The following ASZ1 variants were observed in gnomAD, a reference collection of about 807,000 sequenced individuals.
ASZ1 encodes the protein ankyrin repeat, SAM and basic leucine zipper domain containing 1, also known as ankyrin repeat, SAM and basic leucine zipper domain-containing protein 1.
ASZ1 carries 67 observed loss-of-function variants against 61.8 expected under a neutral mutation model. That is an observed-to-expected ratio of 1.08 (90% CI 0.89 to 1.33). ASZ1 has a LOEUF of 1.33. ASZ1 is among the 40% of genes most tolerant of loss of function. The pLI, the probability that ASZ1 is intolerant of heterozygous loss-of-function variation, is 0.00. For missense variants in ASZ1, 577 were observed against 554.5 expected (o/e 1.04, Z -0.41); for synonymous variants, 193 against 192.7 (o/e 1.00, Z -0.01).
intron 8 of ASZ1, 149 bp downstream of exon 8, chr7:117,381,920 C>G (rs1274511611): frequency 1.7e-6 from 1 of 588,932 alleles, no homozygotes; most frequent in East Asian, 3.0e-5. Context: ...ATGTTTTTCA[C>G]AAATTTAAAA....
chr7:117,385,544 A>G (rs1334101376), intron 5 of ASZ1, among the ~76,000 whole-genome samples, 154 bp downstream of exon 5: 1 of 152,178 alleles, frequency 6.6e-6, no homozygotes, highest in African/African-American at 2.4e-5. Flanking sequence ...TACAGGTGTG[A>G]GTCACCATAC....
At chr7:117,398,322 C>T (rs760882850) in intron 4 of ASZ1, among the ~76,000 whole-genome samples, 6 of 152,160 alleles carry the variant, frequency 3.9e-5, no homozygotes, top group Non-Finnish European at 7.3e-5. Context: ...ACACATCTAC[C>T]TTTGTCTCAG....
chr7:117,422,369 T>C lies in ASZ1; in HGVS notation c.206-10A>G. On this transcript the variant is annotated splice_polypyrimidine_tract_variant and intron_variant, in intron 2 of 12. Coordinates refer to ENST00000284629, the MANE Select transcript of ASZ1 (RefSeq NM_130768.3). Reference sequence around the variant, plus strand: ...GAATCTACACTAATGCCTGTCAATATAAAAACAAGCTTTTAAAAGCACACT... The same window carrying C: ...GAATCTACACTAATGCCTGTCAATACAAAAACAAGCTTTTAAAAGCACACT... The C allele has an allele frequency of 6.2e-7, 1 of 1,607,650 alleles. No individual in the cohort carries two copies.
intron 4 of ASZ1, among the ~76,000 whole-genome samples, chr7:117,398,462 A>G (rs1247628296): frequency 1.3e-5 from 2 of 152,218 alleles, no homozygotes; most frequent in African/African-American, 4.8e-5. Context: ...ATACTGGATT[A>G]AGATATCACA....
intron 10 of ASZ1, among the ~76,000 whole-genome samples, chr7:117,377,973 T>A (rs1796167752): frequency 6.6e-6 from 1 of 152,042 alleles, no homozygotes; most frequent in African/African-American, 2.4e-5. Context: ...CTGGGGCAAT[T>A]ATCTATCCCC....
rs2116470718 is a variant in ASZ1, at chr7:117,383,128, C to T, written c.688-18G>A. 6.6e-7 allele frequency: 1 copy of T among 1,523,932 alleles called. No homozygotes were observed. The highest frequency in any genetic ancestry group is 8.8e-7 in the Non-Finnish European group (1 of 1,138,248). 94.4% of individuals were successfully genotyped at this position (1,523,932 alleles called of 1,614,324 possible). A position where few individuals can be genotyped will look rare whatever the true frequency, so the allele number is the denominator to read the frequency against. ...TTGAAGATCTGAAAAAAGTTAACAT[C>T]ATTCAAATATAATTAACATTGCATA... is the stretch of plus-strand genomic sequence containing the variant. On this transcript the variant is annotated intron_variant, in intron 6 of 12. Transcript: ENST00000284629.
chr7:117,384,957 G>C, intron 5 of ASZ1, 97 bp from the exon 6 acceptor site: 3 of 1,103,078 alleles, frequency 2.7e-6, no homozygotes, highest in African/African-American at 3.3e-5. Context: ...CAATAAAAAA[G>C]AGAACATAGT....
chr7:117,366,169 CAGG>C (rs1464707846), intron 12 of ASZ1, among the ~76,000 whole-genome samples: 1 of 152,012 alleles, frequency 6.6e-6, no homozygotes, highest in Non-Finnish European at 1.5e-5. Flanking sequence ...GAGGCTGAGG[CAGG>C]AGAATTGCTT....
intron 4 of ASZ1, among the ~76,000 whole-genome samples, chr7:117,389,458 C>T (rs1796420694): frequency 6.6e-6 from 1 of 152,106 alleles, no homozygotes; most frequent in South Asian, 2.1e-4. Context: ...TTTGTTTCTA[C>T]TTTTCCCACC....
intron 4 of ASZ1, among the ~76,000 whole-genome samples, chr7:117,410,288 A>C (rs1447534811): frequency 6.6e-6 from 1 of 151,762 alleles, no homozygotes; most frequent in Non-Finnish European, 1.5e-5. Flanking sequence ...TTATACCATA[A>C]ATGAAAAATA....
At chr7:117,365,820 A>G (rs1042045687) in intron 12 of ASZ1, among the ~76,000 whole-genome samples, 2 of 152,262 alleles carry the variant, frequency 1.3e-5, no homozygotes, top group African/African-American at 4.8e-5. Flanking sequence ...CAGAGACAAT[A>G]CAATTTCTAA....
rs138078707 is a variant in ASZ1 at position 117,422,653 on chromosome 7, T to C, written c.206-294A>G. Among the ~76,000 whole-genome samples, 820 of 152,320 alleles carry C rather than the reference T, an allele frequency of 5.4e-3. 10 individuals are homozygous for C. Among genetic ancestry groups the C allele is most frequent in the African/African-American group, 0.019 (784 of 41,574 alleles). On this transcript the variant is annotated intron_variant, in intron 2 of 12. Coordinates refer to ENST00000284629, the MANE Select transcript of ASZ1 (RefSeq NM_130768.3). ...CAGGTTTTTACATGCTACCTTTTTT[T>C]TCTCTAGGGGAGCTGGAAAGGTTTC...
intron 4 of ASZ1, among the ~76,000 whole-genome samples, chr7:117,417,922 T>C (rs1023745590): frequency 2.0e-5 from 3 of 152,238 alleles, no homozygotes; most frequent in Non-Finnish European, 2.9e-5. Flanking sequence ...TGAAACTGCC[T>C]TATAGTGTCA....
intron 4 of ASZ1, among the ~76,000 whole-genome samples, chr7:117,410,528 GA>G (rs1796869832): frequency 6.6e-6 from 1 of 151,544 alleles, no homozygotes; most frequent in Non-Finnish European, 1.5e-5. Flanking sequence ...AAATTACAAA[GA>G]AAGTATAGCA....
intron 4 of ASZ1, among the ~76,000 whole-genome samples, chr7:117,404,769 G>A (rs1039375386): frequency 6.6e-6 from 1 of 152,094 alleles, no homozygotes; most frequent in South Asian, 2.1e-4. Flanking sequence ...AGGCCCCCTT[G>A]AAGCCCACAA....
Position 117,385,678 on chromosome 7 carries a change from A to G in ASZ1, c.552+20T>C, listed in dbSNP as rs374686580. 2.1e-5 allele frequency: 33 copies of G among 1,539,376 alleles called. No individual in the cohort carries two copies. In the African/African-American group the frequency reaches 3.8e-4, roughly 18 times the overall value. On this transcript the variant is annotated intron_variant, in intron 5 of 12. Coordinates refer to ENST00000284629, the MANE Select transcript of ASZ1 (RefSeq NM_130768.3). ...GATAATAACAGAAACAAAAAGAAAC[A>G]TTGTAAAAATGTTTCTCACAGTGTA...
intron 4 of ASZ1, among the ~76,000 whole-genome samples, chr7:117,414,156 T>C (rs1274382175): frequency 6.6e-6 from 1 of 152,136 alleles, no homozygotes; most frequent in East Asian, 1.9e-4. Flanking sequence ...AAACGATAGA[T>C]GAGAGATTTT....
intron 4 of ASZ1, among the ~76,000 whole-genome samples, chr7:117,406,484 A>T (rs1796784241): frequency 2.0e-5 from 3 of 152,172 alleles, no homozygotes; most frequent in Admixed American, 2.0e-4. Flanking sequence ...GTTTAAATAG[A>T]GATAGATTTC....
At chr7:117,427,233 TTTCC>T (rs1192165644) in intron 1 of ASZ1, 119 bp downstream of exon 1, 13 of 1,178,212 alleles carry the variant, frequency 1.1e-5, no homozygotes, top group Non-Finnish European at 1.4e-5. Context: ...AACTCCCGTA[TTTCC>T]ACTGGGTAAA....
Sources: gnomAD v4.1 joint callset for allele counts (sites outside exome capture counted in the v4.1 genomes callset) on GRCh38, gnomAD v4.1.1 for gene constraint, MANE v1.5 for transcripts, NCBI Gene and HGNC (gene_info 2026-07-23, HGNC 2026-07-21) for gene names.